Variants in HELZ2 observed in about 807,000 individuals in gnomAD.
The protein encoded by HELZ2 is 3'-5' exoribonuclease HELZ2.
A neutral mutation model predicts 208.8 loss-of-function variants in HELZ2; 143 were observed. The observed-to-expected ratio is 0.68, with a 90% CI of 0.60 to 0.79. The LOEUF (loss-of-function observed/expected upper bound fraction) is 0.79, where lower values mean the gene tolerates loss of function less well. Among genes scored for constraint, HELZ2 ranks in the 30% least tolerant of loss-of-function variants. The pLI is 0.00. For synonymous variants in HELZ2, 1,705 were observed against 1,693.7 expected, an observed-to-expected ratio of 1.01 and a Z score of -0.16; for missense variants, 3,690 against 3,794.5, an observed-to-expected ratio of 0.97 and a Z score of 0.72.
exon 11 of HELZ2, chr20:63,561,967 C>T (rs756836448): frequency 1.9e-6 from 3 of 1,595,478 alleles, no homozygotes; most frequent in Admixed American, 1.7e-5. Flanking sequence ...TGGAGGCCCA[C>T]GATCGTCTTC....
chr20:63,559,123 G>A (rs2146002307), downstream of HELZ2: 21 of 1,108,076 alleles, frequency 1.9e-5, no homozygotes, highest in South Asian at 3.4e-4. Context: ...CCTGCCCCAG[G>A]GAGATCCTGA....
exon 8 of HELZ2, chr20:63,563,719 C>T: frequency 6.3e-7 from 1 of 1,595,440 alleles, no homozygotes; most frequent in East Asian, 2.3e-5. Context: ...CATCGATGTC[C>T]CTGGCAGAGT....
exon 8 of HELZ2, chr20:63,566,042 A>G (rs1485122779): frequency 1.3e-6 from 2 of 1,590,400 alleles, no homozygotes; most frequent in South Asian, 1.1e-5. Context: ...GCTCTCCCAG[A>G]GCTTGCCGCA....
At position 63,564,303 on chromosome 20, in the gene HELZ2, A is replaced by AT. The variant is rs2082923692; in HGVS notation, c.4518_4519insA (p.Tyr1507IlefsTer2). ...GTGCCGTCCTCGTCCGGCTGCTCATAGAAGCAGTCGGACCGCAGGCGGTGC... is the reference window on the plus strand; with the variant it reads ...GTGCCGTCCTCGTCCGGCTGCTCATATGAAGCAGTCGGACCGCAGGCGGTGC... On this transcript the variant is annotated frameshift_variant, in exon 8 of 19. Coordinates refer to ENST00000467148, the Ensembl canonical transcript of HELZ2. LOFTEE classifies it high-confidence loss of function. 1.9e-6 allele frequency: 3 copies of AT among 1,605,360 alleles called. No homozygotes were observed. The highest frequency in any genetic ancestry group is 2.5e-6 in the Non-Finnish European group (3 of 1,177,042).
At chr20:63,567,085 T>C (rs115197342) in exon 6 of HELZ2, 4 of 1,612,182 alleles carry the variant, frequency 2.5e-6, no homozygotes, top group East Asian at 2.2e-5. Context: ...CTTGGCCACG[T>C]AGAAGTGCCG....
chr20:63,563,044 A>G, exon 8 of HELZ2: 1 of 1,599,670 alleles, frequency 6.3e-7, no homozygotes. Flanking sequence ...CCCGGTACAC[A>G]CGGCCTGAGA....
upstream of HELZ2, chr20:63,572,519 C>G: frequency 1.0e-6 from 1 of 955,086 alleles, no homozygotes; most frequent in Non-Finnish European, 1.5e-6. Context: ...CTGTTGCTTG[C>G]GGCGGCCCTC....
In HELZ2 at chr20:63,568,653, G is replaced by A. The variant is rs771531288; in HGVS notation, c.1435C>T (p.Arg479Cys). The change falls in exon 5 of 19, where the codon CGC (arginine) becomes TGC (cysteine). Residue 479 changes from arginine (R) to cysteine (C), a missense_variant. Coordinates refer to ENST00000467148, the Ensembl canonical transcript of HELZ2. ...GTGTCCACTGCCTGGTGCCAGAGGC[G>A]GAAGGTCATCGGGTCAATCTGGAAC... The A allele has an allele frequency of 5.6e-6, 9 of 1,604,804 alleles. No homozygotes were observed. The highest frequency in any genetic ancestry group is 5.0e-5 in the Admixed American group (3 of 59,510).
rs751015220 is a variant in HELZ2, at chr20:63,565,895, G to C, written c.2927C>G (p.Ala976Gly). 6.9e-6 allele frequency: 11 copies of C among 1,597,138 alleles called. No individual in the cohort carries two copies. The African/African-American group carries it at 1.3e-4, about 19-fold the overall frequency. Residue 976 changes from alanine to glycine, a missense_variant, in exon 8 of 19, where the codon GCT becomes GGT. This residue lies in a region of HELZ2 where 2,564 missense variants were observed against 2,580.5 expected (regional missense o/e 0.99). Coordinates refer to ENST00000467148, the Ensembl canonical transcript of HELZ2. Reference sequence around the variant, plus strand: ...CAGGTCCCCTACTGGCTCTGGGGCAGCCTCCCAGTTCCCCGCTGCCCCAGC... The same window carrying C: ...CAGGTCCCCTACTGGCTCTGGGGCACCCTCCCAGTTCCCCGCTGCCCCAGC...
At chr20:63,569,028 G>A in intron 4 of HELZ2, 29 bp from the exon 6 acceptor site, 1 of 1,597,644 alleles carries the variant, frequency 6.3e-7, no homozygotes, top group Non-Finnish European at 8.5e-7. Flanking sequence ...TCAGCTCATG[G>A]GGCCACAGCT....
At chr20:63,562,499 C>T in intron 8 of HELZ2, 21 bp downstream of exon 9, 1 of 1,551,300 alleles carries the variant, frequency 6.4e-7, no homozygotes, top group Non-Finnish European at 8.7e-7. Context: ...AGCCCAGCCT[C>T]TGCTGGTGGA....
intron 18 of HELZ2, 51 bp downstream of exon 19, chr20:63,559,877 C>A (rs1156845357): frequency 6.3e-7 from 1 of 1,587,916 alleles, no homozygotes; most frequent in Middle Eastern, 2.1e-4. Context: ...CCTAGCCCAG[C>A]CCTGGCCTCA....
exon 8 of HELZ2, chr20:63,563,077 G>A (rs751589532): frequency 2.8e-5 from 45 of 1,598,212 alleles, no homozygotes; most frequent in Middle Eastern, 1.7e-4. Flanking sequence ...GCCGCTCCAC[G>A]TGCTCCAGGC....
downstream of HELZ2, chr20:63,558,966 C>A: frequency 3.0e-6 from 1 of 330,372 alleles, no homozygotes; most frequent in East Asian, 4.9e-5. Flanking sequence ...GGTTCTGAGA[C>A]TTCCCAGGGA....
chr20:63,563,632 G>T, exon 8 of HELZ2: 1 of 1,543,526 alleles, frequency 6.5e-7, no homozygotes, highest in Non-Finnish European at 8.7e-7. Context: ...TGAGCTGCAC[G>T]GCCAGGTGCA....
rs1244229789 is a variant in HELZ2, at chr20:63,565,904, T to C, written c.2918A>G (p.Asn973Ser). ...TACTGGCTCTGGGGCAGCCTCCCAG[T>C]TCCCCGCTGCCCCAGCCTGTGTGCC... The change falls in exon 8 of 19, where the codon AAC (asparagine) becomes AGC (serine). Residue 973 changes from asparagine to serine, a missense_variant. Transcript: ENST00000467148. The C allele has an allele frequency of 5.6e-6, 9 of 1,597,102 alleles. No homozygotes were observed. The highest frequency in any genetic ancestry group is 6.8e-6 in the Non-Finnish European group (8 of 1,178,956).
At chr20:63,568,397 C>A (rs745978726) in exon 5 of HELZ2, 1 of 1,610,528 alleles carries the variant, frequency 6.2e-7, no homozygotes, top group South Asian at 1.1e-5. Flanking sequence ...GGTTTCAGGC[C>A]TCCGGATGAC....
chr20:63,565,839 T>C (rs1181811598), exon 8 of HELZ2: 2 of 1,598,952 alleles, frequency 1.3e-6, no homozygotes, highest in Non-Finnish European at 1.7e-6. Context: ...GCCTTCACCA[T>C]GGCCGTCACC....
At chr20:63,567,083 C>T (rs769167544) in exon 6 of HELZ2, 45 of 1,612,092 alleles carry the variant, frequency 2.8e-5, no homozygotes, top group Non-Finnish European at 3.6e-5. Context: ...CCCTTGGCCA[C>T]GTAGAAGTGC....
Sources: allele counts gnomAD v4.1 joint callset, GRCh38; gene constraint gnomAD v4.1.1; regional missense constraint gnomAD v4.1.1; transcripts MANE v1.5; gene names NCBI Gene and HGNC (gene_info 2026-07-23, HGNC 2026-07-21).